The following NRG1 variants were observed in gnomAD, a reference collection of about 807,000 sequenced individuals.
NRG1 encodes neuregulin 1.
In NRG1, 18 loss-of-function variants were observed where a neutral mutation model predicts 63.8. The ratio of observed to expected loss-of-function variants is 0.28; its 90% CI spans 0.19 to 0.42. NRG1 has a LOEUF of 0.42. Ranked by LOEUF, NRG1 falls within the 10% of genes least tolerant of loss-of-function variation. NRG1 has a pLI of 1.00. For synonymous variants in NRG1, 302 were observed against 301.3 expected, an observed-to-expected ratio of 1.00 and a Z score of -0.02; for missense variants, 762 against 814.7, an observed-to-expected ratio of 0.94 and a Z score of 0.79.
intron 1 of NRG1, among the ~76,000 whole-genome samples, chr8:32,024,769 C>T (rs1389761489): frequency 6.6e-6 from 1 of 152,138 alleles, no homozygotes; most frequent in Non-Finnish European, 1.5e-5. Context: ...TTATCTCCTA[C>T]AGATCAAAAG....
chr8:32,726,615 A>G, intron 5 of NRG1, among the ~76,000 whole-genome samples: 1 of 152,180 alleles, frequency 6.6e-6, no homozygotes, highest in East Asian at 1.9e-4. Context: ...TAATTCAGAA[A>G]TGGAATAATC....
chr8:31,783,614 A>C (rs1044782410), intron 1 of NRG1, among the ~76,000 whole-genome samples: 10 of 151,768 alleles, frequency 6.6e-5, no homozygotes, highest in Admixed American at 2.6e-4. Flanking sequence ...AAAAAAAAAA[A>C]AAAACAAAAA....
At chr8:32,010,523 A>G (rs529152523) in intron 1 of NRG1, among the ~76,000 whole-genome samples, 1 of 152,156 alleles carries the variant, frequency 6.6e-6, no homozygotes, top group African/African-American at 2.4e-5. Context: ...TACTTGGTAC[A>G]TTACTTTTTT....
intron 1 of NRG1, among the ~76,000 whole-genome samples, chr8:32,479,591 G>T (rs1014854805): frequency 1.3e-5 from 2 of 152,140 alleles, no homozygotes; most frequent in African/African-American, 2.4e-5. Context: ...TGTCTGGTCA[G>T]ATACTCAAAG....
At chr8:32,526,619 T>C (rs1455532775) in intron 1 of NRG1, among the ~76,000 whole-genome samples, 2 of 152,068 alleles carry the variant, frequency 1.3e-5, no homozygotes, top group African/African-American at 4.8e-5. Flanking sequence ...TGGAGTCCCC[T>C]CTCTCTCACT....
intron 1 of NRG1, among the ~76,000 whole-genome samples, chr8:31,938,940 A>G (rs549273715): frequency 6.6e-6 from 1 of 152,308 alleles, no homozygotes; most frequent in Admixed American, 6.5e-5. Context: ...CCTAAGAATA[A>G]CTAGTGTTCC....
chr8:32,173,933 A>G (rs1840382142), intron 1 of NRG1, among the ~76,000 whole-genome samples: 1 of 152,198 alleles, frequency 6.6e-6, no homozygotes, highest in South Asian at 2.1e-4. Flanking sequence ...CTGATCAACG[A>G]GACAGAAAGT....
At chr8:32,330,746 ATGAGT>A (rs1802542651) in intron 1 of NRG1, among the ~76,000 whole-genome samples, 2 of 152,214 alleles carry the variant, frequency 1.3e-5, no homozygotes, top group Admixed American at 1.3e-4. Context: ...AATTTGGTCA[ATGAGT>A]TCCCCTTAAG....
intron 5 of NRG1, among the ~76,000 whole-genome samples, chr8:32,678,522 G>A (rs1009000845): frequency 6.6e-6 from 1 of 151,980 alleles, no homozygotes; most frequent in Non-Finnish European, 1.5e-5. Flanking sequence ...CCAATTACGG[G>A]TTCTTTAAAC....
chr8:31,753,170 A>G (rs975904862), intron 1 of NRG1, among the ~76,000 whole-genome samples: 1 of 152,050 alleles, frequency 6.6e-6, no homozygotes, highest in East Asian at 1.9e-4. Context: ...TACATTATTG[A>G]TATTGATATT....
chr8:31,712,125 C>A (rs1462121266), intron 1 of NRG1, among the ~76,000 whole-genome samples: 3 of 151,348 alleles, frequency 2.0e-5, no homozygotes, highest in African/African-American at 4.9e-5. Context: ...TTTTAATTAG[C>A]CTTTATGTTC....
rs116501249 is a variant in NRG1, at chr8:31,812,872, G to C, written c.37+173441G>C. 7.4e-3 allele frequency among the ~76,000 whole-genome samples: 1,132 copies of C among 152,256 alleles called. 9 individuals carry two copies. The highest frequency in any genetic ancestry group is 0.02 in the Middle Eastern group (6 of 294). ...CAATTAATTTGTCTATTTATTCATA[G>C]TCTAAGTGTGATTATCAAAAATGCT... is the stretch of plus-strand genomic sequence containing the variant. On this transcript the variant is annotated intron_variant, in intron 1 of 10. Transcript: ENST00000519301.
chr8:32,058,242 CA>C (rs1823283197), intron 1 of NRG1, among the ~76,000 whole-genome samples: 1 of 151,948 alleles, frequency 6.6e-6, no homozygotes, highest in Non-Finnish European at 1.5e-5. Flanking sequence ...TTCAATAACT[CA>C]AACTCATAAG....
chr8:31,881,760 G>T (rs1177145157), intron 1 of NRG1, among the ~76,000 whole-genome samples: 1 of 152,130 alleles, frequency 6.6e-6, no homozygotes, highest in Non-Finnish European at 1.5e-5. Context: ...TTAGTAGTCT[G>T]GATAGGAGAT....
Position 31,766,571 on chromosome 8 carries a change from G to A in NRG1, c.37+127140G>A, listed in dbSNP as rs544793878. Among the ~76,000 whole-genome samples the A allele has an allele frequency of 3.3e-5, 5 of 152,156 alleles. No homozygotes were observed. The South Asian group carries it at 1.0e-3, about 32-fold the overall frequency. ...TTTCTGAAAAATAGATAAACAGCTT[G>A]GTAAAGTAAGCTAAAGAATAATAGT... On this transcript the variant is annotated intron_variant, in intron 1 of 10. Transcript: ENST00000519301.
At chr8:32,252,245 G>A (rs1216976691) in intron 1 of NRG1, among the ~76,000 whole-genome samples, 2 of 152,026 alleles carry the variant, frequency 1.3e-5, no homozygotes, top group Non-Finnish European at 2.9e-5. Context: ...ATTGCTTTTG[G>A]TGTTTTAATC....
At chr8:32,364,075 CTTTTTTTTT>C (rs932903875) in intron 1 of NRG1, among the ~76,000 whole-genome samples, 3 of 65,520 alleles carry the variant, frequency 4.6e-5, no homozygotes, top group Admixed American at 2.0e-4. Flanking sequence ...TCTGACTAGT[CTTTTTTTTT>C]TTTTTTTTTT....
At chr8:32,692,292 G>A (rs1018036129) in intron 5 of NRG1, among the ~76,000 whole-genome samples, 6 of 152,234 alleles carry the variant, frequency 3.9e-5, no homozygotes, top group African/African-American at 1.2e-4. Context: ...CCAGCCAGTT[G>A]CCTAATGGAT....
intron 1 of NRG1, among the ~76,000 whole-genome samples, chr8:32,168,258 G>C (rs1243291052): frequency 1.3e-5 from 2 of 152,182 alleles, no homozygotes; most frequent in Non-Finnish European, 2.9e-5. Flanking sequence ...CCAAAGGAAG[G>C]ATATGAGTTC....
Sources: allele counts gnomAD v4.1 joint callset (sites outside exome capture counted in the v4.1 genomes callset), GRCh38; gene constraint gnomAD v4.1.1; transcripts MANE v1.5; gene names NCBI Gene and HGNC (gene_info 2026-07-23, HGNC 2026-07-21).